The following DNAH8 variants were observed in gnomAD, a reference collection of about 807,000 sequenced individuals.
The protein encoded by DNAH8 is dynein axonemal heavy chain 8.
In DNAH8, 382 loss-of-function variants were observed where a neutral mutation model predicts 562.1. The observed-to-expected ratio is 0.68, with a 90% CI of 0.63 to 0.74. DNAH8 has a LOEUF of 0.74. Ranked by LOEUF, DNAH8 falls within the 30% of genes least tolerant of loss-of-function variation. The pLI is 0.00. For missense variants in DNAH8, 5,203 were observed against 5,620.4 expected, an observed-to-expected ratio of 0.93 and a Z score of 2.37; for synonymous variants, 1,881 against 1,919.4, an observed-to-expected ratio of 0.98 and a Z score of 0.52.
intron 52 of DNAH8, among the ~76,000 whole-genome samples, chr6:38,874,233 TC>T: frequency 1.4e-5 from 1 of 69,838 alleles, no homozygotes; most frequent in African/African-American, 5.9e-5. Context: ...TCTCTCTTTC[TC>T]CCCTCCCTCC....
intron 63 of DNAH8, among the ~76,000 whole-genome samples, chr6:38,906,960 A>G (rs1362683634): frequency 1.3e-5 from 2 of 152,308 alleles, no homozygotes; most frequent in East Asian, 1.9e-4. Flanking sequence ...AGCATTTTAG[A>G]TTTCAGATTT....
intron 55 of DNAH8, 92 bp from the exon 56 acceptor site, chr6:38,883,784 A>T: frequency 9.3e-7 from 1 of 1,078,890 alleles, no homozygotes; most frequent in South Asian, 2.5e-5. Flanking sequence ...ATGCGTAAGT[A>T]AATTATATTC....
chr6:38,980,442 C>A (rs922933085), intron 85 of DNAH8, among the ~76,000 whole-genome samples: 3 of 152,218 alleles, frequency 2.0e-5, no homozygotes, highest in Non-Finnish European at 4.4e-5. Flanking sequence ...TCTCTCCTCC[C>A]TTCCAGGCTA....
chr6:39,022,189 G>C (rs963660120), intron 91 of DNAH8, among the ~76,000 whole-genome samples: 3 of 152,198 alleles, frequency 2.0e-5, no homozygotes, highest in African/African-American at 7.2e-5. Context: ...GGGTAAGTGG[G>C]GGGTAGCTGT....
rs146276322 is a variant in DNAH8, at chr6:38,882,738, A to G, written c.7859-172A>G. 3.3e-5 allele frequency among the ~76,000 whole-genome samples: 5 copies of G among 152,332 alleles called. No individual in the cohort carries two copies. In the East Asian group the frequency reaches 9.7e-4, roughly 29 times the overall value. On this transcript the variant is annotated intron_variant, in intron 53 of 92. Coordinates refer to ENST00000327475, the MANE Select transcript of DNAH8 (RefSeq NM_001206927.2). ...GACTTTATAAAAAAAGGCAAAACAA[A>G]TTATCAAATGCTGTAGACATAAGAT...
chr6:38,790,333 G>T lies in DNAH8; in HGVS notation c.2709G>T (p.Ser903=). ...LRQGLTVLTW[S]SLTLESFFQE... ...AAGGACTCACAGTGTTAACATGGTCGTCTTTAACACTGGAAAGCTTCTTTC... is the reference window on the plus strand; with the variant it reads ...AAGGACTCACAGTGTTAACATGGTCTTCTTTAACACTGGAAAGCTTCTTTC... The change falls in exon 20 of 93, where the codon TCG becomes TCT. Residue 903 remains serine, a synonymous_variant. Coordinates refer to ENST00000327475, the MANE Select transcript of DNAH8 (RefSeq NM_001206927.2). 1 of 1,607,608 alleles carries T rather than the reference G, an allele frequency of 6.2e-7. No homozygotes were observed. The highest frequency in any genetic ancestry group is 8.5e-7 in the Non-Finnish European group (1 of 1,178,156).
In DNAH8 at chr6:38,870,235, C is replaced by T. The variant is rs116847594; in HGVS notation, c.6829-166C>T. Among the ~76,000 whole-genome samples the T allele has an allele frequency of 1.3e-4, 20 of 152,280 alleles. No individual in the cohort carries two copies. In the East Asian group the frequency reaches 3.5e-3, roughly 26 times the overall value. On this transcript the variant is annotated intron_variant, in intron 48 of 92. Transcript: ENST00000327475. ...AGATTTGGGTAGGGACACAGCCAAA[C>T]CATATCAGTGATATTCTGGAGAAAG... is the stretch of plus-strand genomic sequence containing the variant.
intron 22 of DNAH8, among the ~76,000 whole-genome samples, chr6:38,804,280 G>A (rs903853290): frequency 2.0e-5 from 3 of 152,166 alleles, no homozygotes; most frequent in Admixed American, 1.3e-4. Context: ...TTAAGAACAC[G>A]GGACTTTTAG....
In DNAH8 at chr6:38,863,159, G is replaced by A. The variant is rs536799317; in HGVS notation, c.6310+701G>A. ...TATGTTTAAAACCAAACTCCCGGCC[G>A]GGCACGGCTCACGCTTGTAATCCCA... On this transcript the variant is annotated intron_variant, in intron 44 of 92. Transcript: ENST00000327475. 1.1e-4 allele frequency among the ~76,000 whole-genome samples: 16 copies of A among 152,184 alleles called. No individual in the cohort carries two copies. The East Asian group carries it at 2.1e-3, about 20-fold the overall frequency.
At chr6:38,767,002 T>TA (rs1767069077) in intron 11 of DNAH8, among the ~76,000 whole-genome samples, 1 of 152,182 alleles carries the variant, frequency 6.6e-6, no homozygotes, top group South Asian at 2.1e-4. Context: ...TTAATTATGA[T>TA]AAAAATAGCA....
At chr6:38,916,134 G>A (rs1180535908) in intron 68 of DNAH8, among the ~76,000 whole-genome samples, 1 of 152,122 alleles carries the variant, frequency 6.6e-6, no homozygotes, top group African/African-American at 2.4e-5. Context: ...TAGTGCTTCT[G>A]TTCCTGCTGA....
chr6:38,899,314 A>G (rs1317908994), intron 61 of DNAH8, among the ~76,000 whole-genome samples: 1 of 152,232 alleles, frequency 6.6e-6, no homozygotes, highest in Non-Finnish European at 1.5e-5. Context: ...ACTTAAAAAA[A>G]TTTGTTGGCA....
intron 74 of DNAH8, 64 bp downstream of exon 74, chr6:38,926,274 TTGAATC>T (rs1260453150): frequency 6.4e-7 from 1 of 1,558,956 alleles, no homozygotes; most frequent in African/African-American, 1.4e-5. Context: ...AAAATTTTGA[TTGAATC>T]TGCAGTCATA....
intron 5 of DNAH8, among the ~76,000 whole-genome samples, chr6:38,736,402 C>T (rs907795423): frequency 2.6e-5 from 4 of 152,124 alleles, no homozygotes; most frequent in African/African-American, 9.7e-5. Context: ...TGACATTTGA[C>T]TGATGGCGCA....
At chr6:38,722,582 G>GT (rs1462826128) in intron 1 of DNAH8, among the ~76,000 whole-genome samples, 194 bp from the exon 2 acceptor site, 11 of 123,160 alleles carry the variant, frequency 8.9e-5, no homozygotes, top group African/African-American at 1.8e-4. Context: ...AGGTGGGTGG[G>GT]GGTGTGTGTG....
Position 38,756,002 on chromosome 6 carries a change from A to C in DNAH8, c.1438A>C (p.Ile480Leu). The C allele has an allele frequency of 6.2e-7, 1 of 1,609,888 alleles. No homozygotes were observed. The highest frequency in any genetic ancestry group is 8.5e-7 in the Non-Finnish European group (1 of 1,176,548). The change falls in exon 10 of 93, where the codon ATT becomes CTT. Residue 480 changes from isoleucine (I) to leucine (L), a missense_variant. By Grantham distance (5) the Ile-to-Leu change is conservative. This residue lies in a region of DNAH8 where 2,176 missense variants were observed against 2,365.1 expected (regional missense o/e 0.92). Transcript: ENST00000327475. The stretch of plus-strand genomic sequence containing the variant: ...CATGGCACATGGAATACAAAATTTG[A>C]TTAATGCCATCAGAATGATTCACGG... ...VSMAHGIQNL[I>L]NAIRMIHGVS...
At chr6:38,735,013 A>G (rs908858635) in intron 5 of DNAH8, among the ~76,000 whole-genome samples, 1 of 152,180 alleles carries the variant, frequency 6.6e-6, no homozygotes, top group African/African-American at 2.4e-5. Context: ...GGAAGGCAGG[A>G]TGATGGAATG....
At chr6:38,803,073 T>G in intron 21 of DNAH8, 106 bp from the exon 22 acceptor site, 1 of 800,472 alleles carries the variant, frequency 1.2e-6, no homozygotes, top group Non-Finnish European at 1.8e-6. Flanking sequence ...AGCTTTTTTT[T>G]TCAAGTGAAG....
rs144785126 is a variant in DNAH8 at position 39,014,013 on chromosome 6, GT to G, written c.13714+1384del. Among the ~76,000 whole-genome samples the G allele has an allele frequency of 0.011, 1,742 of 151,712 alleles. 111 individuals carry two copies. In the East Asian group the frequency reaches 0.16, roughly 14 times the overall value. ...GCTGTATACTGATGATTTGTGCAGG[GT>G]TTTTTTTGTGTAAAGCATACTTTGA... On this transcript the variant is annotated intron_variant, in intron 91 of 92. Coordinates refer to ENST00000327475, the MANE Select transcript of DNAH8 (RefSeq NM_001206927.2).
Sources: gnomAD v4.1 joint callset for allele counts (sites outside exome capture counted in the v4.1 genomes callset) on GRCh38, gnomAD v4.1.1 for gene constraint, gnomAD v4.1.1 regional missense constraint, MANE v1.5 for transcripts, NCBI Gene and HGNC (gene_info 2026-07-23, HGNC 2026-07-21) for gene names.